IGHMBP2: variants seen among roughly 807,000 people sequenced by gnomAD.
IGHMBP2 encodes immunoglobulin mu DNA binding protein 2, also known as DNA-binding protein SMUBP-2.
IGHMBP2 carries 81 observed loss-of-function variants against 96.0 expected under a neutral mutation model. The observed-to-expected ratio is 0.84, with a 90% confidence interval of 0.71 to 1.01. The LOEUF (loss-of-function observed/expected upper bound fraction) is 1.01. Ranked by LOEUF, IGHMBP2 falls within the 50% of genes least tolerant of loss-of-function variation. IGHMBP2 has a pLI of 0.00. For synonymous variants in IGHMBP2, 557 were observed against 548.9 expected (o/e 1.01, Z -0.21); for missense variants, 1,227 against 1,306.3 (o/e 0.94, Z 0.94).
At chr11:68,907,611 C>T (rs1180780817) in intron 2 of IGHMBP2, among the ~76,000 whole-genome samples, 1 of 152,076 alleles carries the variant, frequency 6.6e-6, no homozygotes, top group Non-Finnish European at 1.5e-5. Context: ...TAGACTTTAG[C>T]CCAACAATTA....
chr11:68,904,487 G>C (rs1858094629), intron 1 of IGHMBP2, among the ~76,000 whole-genome samples: 1 of 152,164 alleles, frequency 6.6e-6, no homozygotes, highest in Non-Finnish European at 1.5e-5. Flanking sequence ...CCTCCAGTGC[G>C]TCCAGGGCCG....
intron 2 of IGHMBP2, among the ~76,000 whole-genome samples, chr11:68,906,639 TC>T (rs891672201): frequency 1.0e-4 from 13 of 126,062 alleles, no homozygotes; most frequent in African/African-American, 3.9e-4. Flanking sequence ...CCATTTCTTT[TC>T]TTTTTTTTTT....
intron 5 of IGHMBP2, 57 bp from the exon 6 acceptor site, chr11:68,914,766 C>T: frequency 6.3e-7 from 1 of 1,576,346 alleles, no homozygotes; most frequent in Non-Finnish European, 8.7e-7. Flanking sequence ...GTTTTAGTGT[C>T]AACTTCAGTG....
At chr11:68,918,751 CT>C (rs796801625) in intron 7 of IGHMBP2, among the ~76,000 whole-genome samples, 55 of 152,278 alleles carry the variant, frequency 3.6e-4, no homozygotes, top group African/African-American at 1.1e-3. Flanking sequence ...AGGGATCCCC[CT>C]GCCTCAGCCT....
Position 68,936,663 on chromosome 11 carries a change from A to G in IGHMBP2, c.2183A>G (p.His728Arg), listed in dbSNP as rs536678728. ...GTGGAGAGCCAAGATGGCGTGGACC[A>G]CTTCCGGGCCATGATAGTGGAGTTC... Reference protein sequence around the residue: ...EGVESQDGVDHFRAMIVEFMA... With the variant: ...EGVESQDGVDRFRAMIVEFMA... Residue 728 changes from histidine to arginine, a missense_variant, in exon 13 of 15, where the codon CAC (histidine) becomes CGC (arginine). Physicochemically the swap from His to Arg is conservative, Grantham distance 29. Around this residue, in one of 3 missense-constraint regions of IGHMBP2, gnomAD observed 703 missense variants for 770.3 expected, o/e 0.91. Coordinates refer to ENST00000255078, the MANE Select transcript of IGHMBP2 (RefSeq NM_002180.3). The G allele has an allele frequency of 2.5e-6, 4 of 1,613,956 alleles. No individual in the cohort carries two copies. The Admixed American group carries it at 5.0e-5, about 20-fold the overall frequency.
At chr11:68,931,918 A>T (rs1245873533) in intron 8 of IGHMBP2, among the ~76,000 whole-genome samples, 1 of 151,660 alleles carries the variant, frequency 6.6e-6, no homozygotes, top group African/African-American at 2.4e-5. Context: ...TGCAGAGAGT[A>T]GGATGGTTTT....
At chr11:68,908,044 G>A in intron 2 of IGHMBP2, 101 bp from the exon 3 acceptor site, 1 of 1,012,536 alleles carries the variant, frequency 9.9e-7, no homozygotes, top group Non-Finnish European at 1.6e-6. Flanking sequence ...ACTAAAGAAA[G>A]TAACAAAGAT....
Position 68,936,439 on chromosome 11 carries a change from T to G in IGHMBP2, c.1959T>G (p.His653Gln). The change falls in exon 13 of 15, where the codon CAT becomes CAG. Residue 653 changes from histidine (H) to glutamine (Q), a missense_variant. Coordinates refer to ENST00000255078, the MANE Select transcript of IGHMBP2 (RefSeq NM_002180.3). ...ATATTGTCCCAGAAAACTATTCCCA[T>G]GAGAACTCCCAGGGTTCCAGCCACG... ...LDDIVPENYSHENSQGSSHAA... is the reference protein window; with the variant it reads ...LDDIVPENYSQENSQGSSHAA... 6.2e-7 allele frequency: 1 copy of G among 1,614,070 alleles called. No individual in the cohort carries two copies. Among genetic ancestry groups the G allele is most frequent in the Non-Finnish European group, 8.5e-7 (1 of 1,180,018 alleles).
rs1326497037 is a variant in IGHMBP2, at chr11:68,908,508, CTAA to C, written c.450-24_450-22del. The C allele has an allele frequency of 6.3e-7, 1 of 1,586,526 alleles. No individual in the cohort carries two copies. Among genetic ancestry groups the C allele is most frequent in the East Asian group, 2.2e-5 (1 of 44,764 alleles). On this transcript the variant is annotated intron_variant, in intron 3 of 14. Coordinates refer to ENST00000255078, the MANE Select transcript of IGHMBP2 (RefSeq NM_002180.3). ...GCTCGGGCACTGAATTGCAGGTGTT[CTAA>C]TTTTAGTTTTCTCCCTTGGCAGAGC...
chr11:68,908,906 T>C lies in IGHMBP2; in HGVS notation c.547+275T>C, dbSNP rs1858310377. ...CCCAGGCTGGAGTGCAGTGGCGCGA[T>C]CTCAGCTCATTGCAAACTCCGCCTC... On this transcript the variant is annotated intron_variant, in intron 4 of 14. Coordinates refer to ENST00000255078, the MANE Select transcript of IGHMBP2 (RefSeq NM_002180.3). 2.0e-5 allele frequency among the ~76,000 whole-genome samples: 3 copies of C among 150,452 alleles called. No individual in the cohort carries two copies. The South Asian group carries it at 6.4e-4, about 32-fold the overall frequency.
chr11:68,915,166 C>CCTTTTTTTTTTTTTTTTTT (rs1191505010), intron 6 of IGHMBP2, 143 bp downstream of exon 6: 2 of 176,576 alleles, frequency 1.1e-5, no homozygotes, highest in African/African-American at 1.1e-4. Flanking sequence ...TTGGGCTGCC[C>CCTTTTTTTTTTTTTTTTTT]TTTTTTTTTT....
chr11:68,933,437 T>TG lies in IGHMBP2; in HGVS notation c.1377dup (p.Gln460AlafsTer41). 6.2e-7 allele frequency: 1 copy of TG among 1,613,300 alleles called. No homozygotes were observed. Among genetic ancestry groups the TG allele is most frequent in the Non-Finnish European group, 8.5e-7 (1 of 1,179,928 alleles). Reference sequence around the variant, plus strand: ...GCTGGGCCTCAGACACCATGTACCTTGGGCAGCTCACAGCCCACTCTTCCG... The same window carrying TG: ...GCTGGGCCTCAGACACCATGTACCTTGGGGCAGCTCACAGCCCACTCTTCCG... On this transcript the variant is annotated frameshift_variant, in exon 9 of 15. Transcript: ENST00000255078. LOFTEE classifies it high-confidence loss of function.
At position 68,936,697 on chromosome 11, in the gene IGHMBP2, C is replaced by A. The variant is rs753469360; in HGVS notation, c.2217C>A (p.Ser739Arg). The A allele has an allele frequency of 1.9e-6, 3 of 1,614,070 alleles. No homozygotes were observed. Among genetic ancestry groups the A allele is most frequent in the Non-Finnish European group, 2.5e-6 (3 of 1,180,032 alleles). ...CCATGATAGTGGAGTTCATGGCCAG[C>A]AAGAAGATGCAGTTGGAGTTTCCTC... ...FRAMIVEFMA[S>R]KKMQLEFPPS... The change falls in exon 13 of 15, where the codon AGC becomes AGA. Residue 739 changes from serine (S) to arginine (R), a missense_variant. Physicochemically the swap from Ser to Arg is moderately radical, Grantham distance 110. This residue lies in a region of IGHMBP2 where 703 missense variants were observed against 770.3 expected (regional missense o/e 0.91). Coordinates refer to ENST00000255078, the MANE Select transcript of IGHMBP2 (RefSeq NM_002180.3).
intron 4 of IGHMBP2, among the ~76,000 whole-genome samples, chr11:68,910,204 G>C (rs1236919876): frequency 1.3e-5 from 2 of 152,138 alleles, no homozygotes; most frequent in South Asian, 4.1e-4. Context: ...AAGATGTGTT[G>C]TTTTTAAATA....
rs569777 is a variant in IGHMBP2 at position 68,939,380 on chromosome 11, G to A, written c.2785-154G>A. Among the ~76,000 whole-genome samples, 38,164 of 152,160 alleles carry A rather than the reference G, an allele frequency of 0.25. 5,513 individuals carry two copies. Among genetic ancestry groups the A allele is most frequent in the South Asian group, 0.46 (2,211 of 4,832 alleles). Reference sequence around the variant, plus strand: ...GTGCAGACCACCCCGCCGCTCTCCCGCCAGGCAGCCTGCAGGGTGAAGGAC... The same window carrying A: ...GTGCAGACCACCCCGCCGCTCTCCCACCAGGCAGCCTGCAGGGTGAAGGAC... On this transcript the variant is annotated intron_variant, in intron 14 of 14. Transcript: ENST00000255078.
chr11:68,912,016 G>T (rs1444063202), intron 5 of IGHMBP2, among the ~76,000 whole-genome samples: 1 of 152,270 alleles, frequency 6.6e-6, no homozygotes, highest in Non-Finnish European at 1.5e-5. Flanking sequence ...CAGCTAATCA[G>T]ATAGTCTGGT....
At chr11:68,904,633 G>C (rs1365012372) in intron 1 of IGHMBP2, among the ~76,000 whole-genome samples, 1 of 152,042 alleles carries the variant, frequency 6.6e-6, no homozygotes, top group Admixed American at 6.5e-5. Flanking sequence ...AGGGTGGGGA[G>C]CCGTCCTGAG....
At chr11:68,915,068 C>G (rs1858597855) in intron 6 of IGHMBP2, 45 bp downstream of exon 6, 2 of 1,510,492 alleles carry the variant, frequency 1.3e-6, no homozygotes, top group Admixed American at 3.4e-5. Flanking sequence ...GGCTTCTGAT[C>G]TGCAGTCTTT....
At chr11:68,908,121 G>C (rs1288819696) in intron 2 of IGHMBP2, 24 bp from the exon 3 acceptor site, 1 of 1,600,076 alleles carries the variant, frequency 6.2e-7, no homozygotes, top group South Asian at 1.1e-5. Flanking sequence ...AGTGTCTTGT[G>C]TCACTGAGTC....
Sources: allele counts gnomAD v4.1 joint callset (sites outside exome capture counted in the v4.1 genomes callset), GRCh38; gene constraint gnomAD v4.1.1; regional missense constraint gnomAD v4.1.1; transcripts MANE v1.5; gene names NCBI Gene and HGNC (gene_info 2026-07-23, HGNC 2026-07-21).